The following STAU2 variants were observed in gnomAD, a reference collection of about 807,000 sequenced individuals.
The protein encoded by STAU2 is double-stranded RNA-binding protein Staufen homolog 2.
Under a neutral mutation model 65.9 loss-of-function variants are expected in STAU2, and 20 were observed. That is an observed-to-expected ratio of 0.30 (90% CI 0.21 to 0.44). STAU2 has a LOEUF of 0.44. Among genes scored for constraint, STAU2 ranks in the 20% least tolerant of loss-of-function variants. The pLI is 1.00. For synonymous variants in STAU2, 232 were observed against 233.9 expected (o/e 0.99, Z 0.07); for missense variants, 558 against 683.9 (o/e 0.82, Z 2.05).
At chr8:73,434,987 C>A (rs1817586032) in intron 13 of STAU2, among the ~76,000 whole-genome samples, 1 of 151,802 alleles carries the variant, frequency 6.6e-6, no homozygotes, top group South Asian at 2.1e-4. Context: ...AGTGCCAGTC[C>A]ATTTCCCAGA....
intron 13 of STAU2, among the ~76,000 whole-genome samples, chr8:73,523,220 G>C (rs202215649): frequency 4.5e-5 from 4 of 89,766 alleles, no homozygotes; most frequent in Non-Finnish European, 1.0e-4. Context: ...AAAAAAAAAA[G>C]AAAAGTCTGA....
rs116109736 is a variant in STAU2, at chr8:73,664,387, A to C, written c.410+8720T>G. Among the ~76,000 whole-genome samples the C allele has an allele frequency of 4.3e-3, 657 of 152,338 alleles. 7 individuals carry two copies. Among genetic ancestry groups the C allele is most frequent in the African/African-American group, 0.015 (620 of 41,572 alleles). On this transcript the variant is annotated intron_variant, in intron 6 of 14. Transcript: ENST00000524300. The stretch of plus-strand genomic sequence containing the variant: ...TTACTGCCTTGTTCCTGATCTTACA[A>C]GTATTCAGTCTTTCACTATAAAGCA...
intron 4 of STAU2, among the ~76,000 whole-genome samples, chr8:73,702,167 T>C (rs1820156737): frequency 6.6e-6 from 1 of 152,114 alleles, no homozygotes; most frequent in South Asian, 2.1e-4. Context: ...AGACCTAGTA[T>C]TTGACAGCAC....
chr8:73,629,534 C>T (rs956918060), intron 6 of STAU2, among the ~76,000 whole-genome samples: 6 of 152,116 alleles, frequency 3.9e-5, no homozygotes, highest in Admixed American at 2.6e-4. Flanking sequence ...AAAGTAGCTT[C>T]GTAGAAACTA....
intron 13 of STAU2, among the ~76,000 whole-genome samples, chr8:73,528,498 A>AT (rs1284892596): frequency 7.2e-5 from 11 of 152,188 alleles, no homozygotes; most frequent in African/African-American, 2.7e-4. Context: ...CCATTAAGAA[A>AT]ATTTCCATCC....
chr8:73,505,608 T>C (rs1019211589), intron 13 of STAU2, among the ~76,000 whole-genome samples: 5 of 152,140 alleles, frequency 3.3e-5, no homozygotes, highest in African/African-American at 1.2e-4. Context: ...GTCTGCTGAA[T>C]TTCTTGAAGT....
intron 6 of STAU2, among the ~76,000 whole-genome samples, chr8:73,654,678 C>A (rs991961984): frequency 1.0e-3 from 63 of 62,724 alleles, no homozygotes; most frequent in Non-Finnish European, 1.4e-3. Context: ...TTTTAATTAT[C>A]AAACCTTTTT....
At chr8:73,635,796 G>T (rs190667682) in intron 6 of STAU2, among the ~76,000 whole-genome samples, 40 of 151,968 alleles carry the variant, frequency 2.6e-4, no homozygotes, top group African/African-American at 8.9e-4. Flanking sequence ...CTGCACTCCA[G>T]CTTGGGCAAC....
At chr8:73,607,751 A>T (rs2129770637) in intron 9 of STAU2, among the ~76,000 whole-genome samples, 2 of 152,184 alleles carry the variant, frequency 1.3e-5, no homozygotes, top group South Asian at 4.1e-4. Context: ...AAAAAAAAAA[A>T]AAGCAAAAAT....
At chr8:73,448,595 T>C (rs7817123) in intron 13 of STAU2, among the ~76,000 whole-genome samples, 13,629 of 152,132 alleles carry the variant, frequency 0.09, 1,227 homozygotes, top group African/African-American at 0.24. Flanking sequence ...GAGACACAAG[T>C]CTTAAAAGGA....
intron 1 of STAU2, among the ~76,000 whole-genome samples, chr8:73,746,131 G>C (rs186401886): frequency 6.6e-6 from 1 of 151,986 alleles, no homozygotes; most frequent in Admixed American, 6.6e-5. Flanking sequence ...CCTGTCATAG[G>C]ATATATTTTG....
chr8:73,573,113 C>G (rs1809238923), intron 12 of STAU2, among the ~76,000 whole-genome samples: 1 of 152,168 alleles, frequency 6.6e-6, no homozygotes, highest in Non-Finnish European at 1.5e-5. Context: ...CAGTAACAGA[C>G]AAACAGAGAG....
At chr8:73,614,970 G>A (rs995658151) in intron 8 of STAU2, among the ~76,000 whole-genome samples, 2 of 152,102 alleles carry the variant, frequency 1.3e-5, no homozygotes, top group African/African-American at 4.8e-5. Context: ...GTCCAACTCA[G>A]ATGATCCTGC....
chr8:73,440,651 C>A (rs1818066235), intron 13 of STAU2: 1 of 45,788 alleles, frequency 2.2e-5, no homozygotes, highest in Admixed American at 3.3e-4. Flanking sequence ...AACTCGCACC[C>A]CTGTGTGCAT....
At chr8:73,586,860 A>G (rs1180516204) in intron 11 of STAU2, among the ~76,000 whole-genome samples, 1 of 152,042 alleles carries the variant, frequency 6.6e-6, no homozygotes, top group African/African-American at 2.4e-5. Flanking sequence ...AAACAGAAAG[A>G]GGGGGAGAAA....
chr8:73,427,116 T>C (rs1816884170), intron 13 of STAU2, among the ~76,000 whole-genome samples: 1 of 151,918 alleles, frequency 6.6e-6, no homozygotes, highest in Non-Finnish European at 1.5e-5. Context: ...TTAGTAGAGA[T>C]GGGGTTTCTC....
At chr8:73,708,063 A>G (rs1156324609) in intron 4 of STAU2, among the ~76,000 whole-genome samples, 2 of 152,010 alleles carry the variant, frequency 1.3e-5, no homozygotes, top group African/African-American at 4.8e-5. Flanking sequence ...ATAGCTGGAA[A>G]GGTAGACCAA....
At chr8:73,608,990 A>G (rs956207574) in intron 9 of STAU2, among the ~76,000 whole-genome samples, 3 of 152,160 alleles carry the variant, frequency 2.0e-5, no homozygotes, top group African/African-American at 4.8e-5. Context: ...AAAAAAAAAG[A>G]GAAGTTAAAA....
intron 13 of STAU2, among the ~76,000 whole-genome samples, chr8:73,477,707 G>A (rs1392473547): frequency 6.6e-6 from 1 of 152,176 alleles, no homozygotes; most frequent in Admixed American, 6.5e-5. Flanking sequence ...TACCAGGAGG[G>A]ATACACTGAG....
Sources: allele counts gnomAD v4.1 joint callset (sites outside exome capture counted in the v4.1 genomes callset), GRCh38; gene constraint gnomAD v4.1.1; transcripts MANE v1.5; gene names NCBI Gene and HGNC (gene_info 2026-07-23, HGNC 2026-07-21).